The following GRID2 variants were observed in gnomAD, a reference collection of about 807,000 sequenced individuals.
The protein encoded by GRID2 is glutamate receptor ionotropic, delta-2.
GRID2 carries 33 observed loss-of-function variants against 114.8 expected under a neutral mutation model. The observed-to-expected ratio is 0.29, with a 90% confidence interval of 0.22 to 0.38. GRID2 has a LOEUF of 0.38. Among genes scored for constraint, GRID2 ranks in the 10% least tolerant of loss-of-function variants. The pLI, the probability that GRID2 is intolerant of heterozygous loss-of-function variation, is 1.00. For synonymous variants in GRID2, 505 were observed against 449.9 expected (o/e 1.12, Z -1.55); for missense variants, 1,184 against 1,257.7 (o/e 0.94, Z 0.89).
intron 1 of GRID2, among the ~76,000 whole-genome samples, chr4:92,530,902 A>G (rs1725321577): frequency 6.6e-6 from 1 of 151,824 alleles, no homozygotes; most frequent in Admixed American, 6.6e-5. Context: ...GTGAGACTCC[A>G]TCTTGGCGGG....
chr4:93,794,529 G>T (rs1734757680), intron 1 of GRID2, among the ~76,000 whole-genome samples: 1 of 152,124 alleles, frequency 6.6e-6, no homozygotes, highest in African/African-American at 2.4e-5. Context: ...CATGGCCAAT[G>T]AGTCTGTTTG....
chr4:93,234,452 G>A (rs1182949945), intron 7 of GRID2, among the ~76,000 whole-genome samples: 3 of 152,060 alleles, frequency 2.0e-5, no homozygotes, highest in Non-Finnish European at 4.4e-5. Flanking sequence ...CCCTAAGATG[G>A]AGACAGCATG....
At chr4:93,020,185 G>C (rs1723146250) in intron 2 of GRID2, among the ~76,000 whole-genome samples, 1 of 152,070 alleles carries the variant, frequency 6.6e-6, no homozygotes, top group South Asian at 2.1e-4. Flanking sequence ...TTTTATTGAG[G>C]TAATATTTGA....
At chr4:92,902,674 G>A (rs1218804121) in intron 2 of GRID2, among the ~76,000 whole-genome samples, 1 of 151,952 alleles carries the variant, frequency 6.6e-6, no homozygotes, top group Non-Finnish European at 1.5e-5. Context: ...TTGTATATGT[G>A]AGATGTAGGG....
intron 2 of GRID2, among the ~76,000 whole-genome samples, chr4:92,892,065 T>C (rs1343362279): frequency 6.6e-6 from 1 of 151,782 alleles, no homozygotes; most frequent in African/African-American, 2.4e-5. Context: ...TTTTTTTTTG[T>C]TTTTGTTTTT....
intron 8 of GRID2, among the ~76,000 whole-genome samples, chr4:93,267,852 G>A (rs1412299419): frequency 3.9e-5 from 6 of 152,144 alleles, no homozygotes; most frequent in African/African-American, 1.4e-4. Flanking sequence ...TTCCCATACA[G>A]CCCTCTCTGA....
At chr4:93,692,452 C>A (rs1000036850) in intron 14 of GRID2, among the ~76,000 whole-genome samples, 4 of 152,148 alleles carry the variant, frequency 2.6e-5, no homozygotes, top group Admixed American at 2.0e-4. Flanking sequence ...AAGAATGTAT[C>A]TGCTACATAG....
chr4:92,492,451 G>C (rs571770095), intron 1 of GRID2, among the ~76,000 whole-genome samples: 2 of 152,180 alleles, frequency 1.3e-5, no homozygotes. Context: ...ATACATAAGA[G>C]CATGTATCAT....
At chr4:93,749,910 C>T (rs1295235322) in intron 14 of GRID2, among the ~76,000 whole-genome samples, 1 of 152,204 alleles carries the variant, frequency 6.6e-6, no homozygotes, top group Non-Finnish European at 1.5e-5. Flanking sequence ...GTAACTACCT[C>T]ACAGGGTGAT....
chr4:93,124,318 A>G (rs1734079042), intron 4 of GRID2, among the ~76,000 whole-genome samples: 1 of 152,176 alleles, frequency 6.6e-6, no homozygotes, highest in Non-Finnish European at 1.5e-5. Context: ...CTACTCTATG[A>G]CATAAGAAGC....
intron 11 of GRID2, among the ~76,000 whole-genome samples, chr4:93,461,331 G>C (rs1723719542): frequency 6.6e-6 from 1 of 151,958 alleles, no homozygotes; most frequent in South Asian, 2.1e-4. Context: ...ATGAAGAAAA[G>C]GCTTATAAAC....
At chr4:93,332,912 G>A (rs1219945563) in intron 8 of GRID2, among the ~76,000 whole-genome samples, 1 of 152,046 alleles carries the variant, frequency 6.6e-6, no homozygotes, top group East Asian at 1.9e-4. Context: ...CCTTTTTGAT[G>A]TGCTGCGATC....
At chr4:92,509,897 G>C (rs952676701) in intron 1 of GRID2, among the ~76,000 whole-genome samples, 1 of 151,824 alleles carries the variant, frequency 6.6e-6, no homozygotes, top group Non-Finnish European at 1.5e-5. Flanking sequence ...GATAAGGGAA[G>C]GCCAAATTAT....
intron 1 of GRID2, among the ~76,000 whole-genome samples, chr4:92,380,314 TGCTTCC>T (rs1729558873): frequency 1.3e-5 from 2 of 151,976 alleles, no homozygotes; most frequent in Admixed American, 1.3e-4. Flanking sequence ...AAAAATCCTT[TGCTTCC>T]TTAGCATATG....
chr4:92,514,904 A>G (rs572893985), intron 1 of GRID2, among the ~76,000 whole-genome samples: 26 of 151,884 alleles, frequency 1.7e-4, no homozygotes, highest in Admixed American at 1.4e-3. Context: ...TCTTCTTTCT[A>G]AGCAGTGATA....
chr4:93,219,967 C>T (rs1240902351), intron 6 of GRID2, among the ~76,000 whole-genome samples: 6 of 152,164 alleles, frequency 3.9e-5, no homozygotes, highest in African/African-American at 1.4e-4. Context: ...CAAATAATTG[C>T]TCAGAGTAGC....
At chr4:93,493,256 TC>T (rs1727192636) in intron 12 of GRID2, among the ~76,000 whole-genome samples, 1 of 151,864 alleles carries the variant, frequency 6.6e-6, no homozygotes, top group Non-Finnish European at 1.5e-5. Context: ...AAATAACTGA[TC>T]CTATGCAGTA....
At position 92,918,974 on chromosome 4, in the gene GRID2, C is replaced by G. The variant is rs75699523; in HGVS notation, c.245-166021C>G. ...TGGTAGAATTCAGCTGTGAATCCCT[C>G]TGGTCCTGGACTTTTTTTGGTTAGT... On this transcript the variant is annotated intron_variant, in intron 2 of 15. Coordinates refer to ENST00000282020, the MANE Select transcript of GRID2 (RefSeq NM_001510.4). Among the ~76,000 whole-genome samples, 642 of 152,290 alleles carry G rather than the reference C, an allele frequency of 4.2e-3. 22 individuals carry two copies. In the East Asian group the frequency reaches 0.097, roughly 23 times the overall value.
intron 13 of GRID2, among the ~76,000 whole-genome samples, chr4:93,549,965 G>A (rs906955248): frequency 6.6e-6 from 1 of 152,102 alleles, no homozygotes; most frequent in Non-Finnish European, 1.5e-5. Flanking sequence ...CACTGTCCCT[G>A]AACCTTAGGC....
Sources: allele counts gnomAD v4.1 joint callset (sites outside exome capture counted in the v4.1 genomes callset), GRCh38; gene constraint gnomAD v4.1.1; transcripts MANE v1.5; gene names NCBI Gene and HGNC (gene_info 2026-07-23, HGNC 2026-07-21).